The following MYBPC1 variants were observed in gnomAD, a reference collection of about 807,000 sequenced individuals.
MYBPC1 encodes the protein myosin-binding protein C, slow-type.
A neutral mutation model predicts 147.1 loss-of-function variants in MYBPC1; 52 were observed. The observed-to-expected ratio is 0.35, with a 90% CI of 0.28 to 0.45. The LOEUF is 0.45. Ranked by LOEUF, MYBPC1 falls within the 20% of genes least tolerant of loss-of-function variation. The probability of loss-of-function intolerance (pLI) is 1.00; values close to 1 mark genes in which losing one functional copy is unlikely to be tolerated. For missense variants in MYBPC1, 1,228 were observed against 1,440.3 expected, an observed-to-expected ratio of 0.85 and a Z score of 2.39; for synonymous variants, 477 against 475.9, an observed-to-expected ratio of 1.00 and a Z score of -0.03.
At chr12:101,614,404 C>T (rs1253746426) in intron 1 of MYBPC1, 92 bp from the exon 2 acceptor site, 1 of 1,423,070 alleles carries the variant, frequency 7.0e-7, no homozygotes, top group Non-Finnish European at 9.8e-7. Context: ...GGTGAGATGG[C>T]TGCCTGCAGC....
At chr12:101,681,355 A>G (rs1295717048) in intron 29 of MYBPC1, among the ~76,000 whole-genome samples, 2 of 151,648 alleles carry the variant, frequency 1.3e-5, no homozygotes. Context: ...TCTTAACTGT[A>G]TTATATTGCC....
At chr12:101,661,896 C>CAAAAAAAAAAAA (rs66873575) in intron 20 of MYBPC1, among the ~76,000 whole-genome samples, 2 of 83,172 alleles carry the variant, frequency 2.4e-5, no homozygotes, top group East Asian at 3.4e-4. Context: ...GACTCTGTCT[C>CAAAAAAAAAAAA]AAAAAAAAAA....
At chr12:101,606,537 C>T (rs1338635172) in intron 1 of MYBPC1, among the ~76,000 whole-genome samples, 1 of 150,608 alleles carries the variant, frequency 6.6e-6, no homozygotes, top group African/African-American at 2.5e-5. Flanking sequence ...CTCCTGAGCT[C>T]AAGCAAGCCA....
chr12:101,623,465 TA>T (rs1392325927), intron 3 of MYBPC1, among the ~76,000 whole-genome samples: 2 of 152,234 alleles, frequency 1.3e-5, no homozygotes, highest in African/African-American at 4.8e-5. Context: ...AAGACAAGAT[TA>T]TTTTTCTTCA....
intron 1 of MYBPC1, among the ~76,000 whole-genome samples, chr12:101,611,888 C>T (rs1022318884): frequency 6.6e-6 from 1 of 151,946 alleles, no homozygotes; most frequent in Admixed American, 6.6e-5. Flanking sequence ...ACCATCCTGG[C>T]CAACATGGTG....
At chr12:101,600,031 G>A (rs566357730) in intron 1 of MYBPC1, among the ~76,000 whole-genome samples, 197 of 152,166 alleles carry the variant, frequency 1.3e-3, no homozygotes, top group African/African-American at 4.5e-3. Context: ...TTCCTCTGAA[G>A]CGCCCTAAAT....
intron 5 of MYBPC1, 63 bp downstream of exon 5, chr12:101,627,867 T>G: frequency 6.7e-7 from 1 of 1,501,260 alleles, no homozygotes; most frequent in African/African-American, 1.4e-5. Flanking sequence ...ATGAGCTCAT[T>G]TCTTGAAGCT....
Position 101,646,859 on chromosome 12 carries a change from G to A in MYBPC1, c.1062G>A (p.Glu354=). Residue 354 remains glutamate (E), a synonymous_variant, in exon 13 of 32, where the codon GAG becomes GAA. Transcript: ENST00000361466. Reference sequence around the variant, plus strand: ...AGTATTATGTGACAGCCGGTGATGAGAAATGTTCCACTGAGCTCTTCGTAA... The same window carrying A: ...AGTATTATGTGACAGCCGGTGATGAAAAATGTTCCACTGAGCTCTTCGTAA... ...DSEYYVTAGD[E]KCSTELFVRE... 1 of 1,614,156 alleles carries A rather than the reference G, an allele frequency of 6.2e-7. No individual in the cohort carries two copies. The highest frequency in any genetic ancestry group is 8.5e-7 in the Non-Finnish European group (1 of 1,180,016).
chr12:101,628,269 C>G (rs796568259), intron 5 of MYBPC1: 13 of 211,788 alleles, frequency 6.1e-5, no homozygotes, highest in African/African-American at 2.8e-4. Context: ...TATGGGCCAG[C>G]CACTCCTATA....
intron 11 of MYBPC1, among the ~76,000 whole-genome samples, chr12:101,643,858 A>G (rs1247519892): frequency 6.6e-6 from 1 of 152,134 alleles, no homozygotes; most frequent in Non-Finnish European, 1.5e-5. Flanking sequence ...ACCACAGTAT[A>G]AAAACTTTAG....
intron 18 of MYBPC1, among the ~76,000 whole-genome samples, chr12:101,653,689 G>A (rs7976320): frequency 0.66 from 100,758 of 151,694 alleles, 34,566 homozygotes; most frequent in Admixed American, 0.79. Flanking sequence ...AAGATCAAAC[G>A]GAAGACATTT....
At chr12:101,628,342 C>T (rs943073876) in intron 5 of MYBPC1, among the ~76,000 whole-genome samples, 1 of 152,146 alleles carries the variant, frequency 6.6e-6, no homozygotes, top group African/African-American at 2.4e-5. Flanking sequence ...TCTAAATGTG[C>T]TCCTATTAAT....
intron 1 of MYBPC1, among the ~76,000 whole-genome samples, chr12:101,612,775 A>C (rs1214734957): frequency 6.6e-6 from 1 of 152,246 alleles, no homozygotes; most frequent in Admixed American, 6.5e-5. Flanking sequence ...CGTGTGCTGC[A>C]ACAACTTATT....
intron 22 of MYBPC1, chr12:101,666,427 G>T (rs920650563): frequency 2.8e-6 from 1 of 356,190 alleles, no homozygotes; most frequent in Middle Eastern, 9.2e-4. Context: ...TCAGGGTCTT[G>T]CTTTGTTCTT....
chr12:101,594,974 A>T lies in MYBPC1; in HGVS notation c.-97A>T, dbSNP rs1051537212. 4 of 1,199,982 alleles carry T rather than the reference A, an allele frequency of 3.3e-6. No homozygotes were observed. The highest frequency in any genetic ancestry group is 3.6e-5 in the Admixed American group (2 of 55,298). The allele number at this position is 1,199,982 out of a possible 1,614,324, so 74.3% of individuals were successfully genotyped here. A position where few individuals can be genotyped will look rare whatever the true frequency, so the allele number is the denominator to read the frequency against. On this transcript the variant is annotated 5_prime_UTR_variant, in exon 1 of 32. Transcript: ENST00000361466. ...CTGGGTTTCTCCCCAACTGCTTGTC[A>T]CACCGACCTGCACCATCTCTCGCCT...
intron 1 of MYBPC1, among the ~76,000 whole-genome samples, chr12:101,602,951 A>G (rs1199733551): frequency 2.6e-5 from 4 of 152,208 alleles, no homozygotes; most frequent in Non-Finnish European, 5.9e-5. Flanking sequence ...TTGTGGGGAC[A>G]TGGCCTTTCC....
intron 10 of MYBPC1, 104 bp downstream of exon 10, chr12:101,636,832 T>A: frequency 1.1e-6 from 1 of 941,856 alleles, no homozygotes. Flanking sequence ...GAATTTTTCA[T>A]TTCTGAAAAT....
intron 3 of MYBPC1, among the ~76,000 whole-genome samples, chr12:101,622,078 A>G (rs1018618494): frequency 6.6e-6 from 1 of 152,210 alleles, no homozygotes. Context: ...GTTTCCCTGT[A>G]TGTCATATTC....
chr12:101,651,218 A>G lies in MYBPC1; in HGVS notation c.1364-13A>G. 1.9e-6 allele frequency: 3 copies of G among 1,614,096 alleles called. No individual in the cohort carries two copies. Among genetic ancestry groups the G allele is most frequent in the Non-Finnish European group, 1.7e-6 (2 of 1,179,950 alleles). Reference sequence around the variant, plus strand: ...TTGGGCTTGGCATTTGTGATGGTCTATCATTTCTACAGTGAAACCTCTGAA... The same window carrying G: ...TTGGGCTTGGCATTTGTGATGGTCTGTCATTTCTACAGTGAAACCTCTGAA... On this transcript the variant is annotated splice_polypyrimidine_tract_variant and intron_variant, in intron 15 of 31. Coordinates refer to ENST00000361466, the MANE Select transcript of MYBPC1 (RefSeq NM_002465.4).
Sources: allele counts gnomAD v4.1 joint callset (sites outside exome capture counted in the v4.1 genomes callset), GRCh38; gene constraint gnomAD v4.1.1; transcripts MANE v1.5; gene names NCBI Gene and HGNC (gene_info 2026-07-23, HGNC 2026-07-21).